The following RPL37A variants were observed in gnomAD, a reference collection of about 807,000 sequenced individuals.
The protein encoded by RPL37A is large ribosomal subunit protein eL43.
In RPL37A, 5 loss-of-function variants were observed where a neutral mutation model predicts 13.6. The observed-to-expected ratio is 0.37, with a 90% CI of 0.19 to 0.78. The LOEUF (loss-of-function observed/expected upper bound fraction) is 0.78, where lower values mean the gene tolerates loss of function less well. Ranked by LOEUF, RPL37A falls within the 30% of genes least tolerant of loss-of-function variation. The pLI is 0.49. For synonymous variants in RPL37A, 50 were observed against 44.4 expected (o/e 1.13, Z -0.50); for missense variants, 77 against 120.0 (o/e 0.64, Z 1.67).
At position 216,502,681 on chromosome 2, in the gene RPL37A, TTATC is replaced by T. The variant is rs1398256894; in HGVS notation, c.*1282_*1285del. On this transcript the variant is annotated 3_prime_UTR_variant, in exon 4 of 4. Coordinates refer to ENST00000491306, the MANE Select transcript of RPL37A (RefSeq NM_000998.5). ...TCAGTCCTCCTAATTGGTATGTCTT[TTATC>T]TATCCCAGAGTCAGTAGTCCTTTAA... The T allele has an allele frequency of 2.6e-5, 4 of 152,364 alleles. No individual in the cohort carries two copies. The highest frequency in any genetic ancestry group is 5.9e-5 in the Non-Finnish European group (4 of 68,038). 9.4% of individuals were successfully genotyped at this position (152,364 alleles called of 1,614,324 possible). A position where few individuals can be genotyped will look rare whatever the true frequency, so the allele number is the denominator to read the frequency against.
chr2:216,499,927 GA>G, intron 2 of RPL37A, 21 bp from the exon 3 acceptor site: 1 of 1,600,266 alleles, frequency 6.2e-7, no homozygotes, highest in Non-Finnish European at 8.6e-7. Context: ...GGTTCATAGT[GA>G]AAATTGGTTC....
chr2:216,501,123 G>A (rs909978821), intron 3 of RPL37A: 3 of 427,872 alleles, frequency 7.0e-6, no homozygotes, highest in East Asian at 4.1e-5. Context: ...ATGCCATCAT[G>A]TAGTTTAGAA....
At position 216,502,727 on chromosome 2, in the gene RPL37A, C is replaced by G. The variant is rs915792452; in HGVS notation, c.*1323C>G. On this transcript the variant is annotated 3_prime_UTR_variant, in exon 4 of 4. Coordinates refer to ENST00000491306, the MANE Select transcript of RPL37A (RefSeq NM_000998.5). ...GTCCTTTAAGGATGCAAATTTAATT[C>G]GATAAGAATGTGGATTTACTTCATC... 1 of 152,166 alleles carries G rather than the reference C, an allele frequency of 6.6e-6. No homozygotes were observed. The highest frequency in any genetic ancestry group is 2.4e-5 in the African/African-American group (1 of 41,434). 9.4% of individuals were successfully genotyped at this position (152,166 alleles called of 1,614,324 possible). A position where few individuals can be genotyped will look rare whatever the true frequency, so the allele number is the denominator to read the frequency against.
Position 216,499,251 on chromosome 2 carries a change from C to T in RPL37A, c.4-19C>T. 6.2e-7 allele frequency: 1 copy of T among 1,608,052 alleles called. No homozygotes were observed. Among genetic ancestry groups the T allele is most frequent in the Non-Finnish European group, 8.5e-7 (1 of 1,177,704 alleles). On this transcript the variant is annotated intron_variant, in intron 1 of 3. Transcript: ENST00000491306. ...TGGGTTCCAGGTCTATCACTGGTTTCTCCCTTCACTCTAAACAGGCCAAAC... is the reference window on the plus strand; with the variant it reads ...TGGGTTCCAGGTCTATCACTGGTTTTTCCCTTCACTCTAAACAGGCCAAAC...
chr2:216,501,149 GGAGTAA>G, intron 3 of RPL37A, 186 bp from the exon 4 acceptor site: 2 of 492,430 alleles, frequency 4.1e-6, no homozygotes, highest in Non-Finnish European at 3.6e-6. Flanking sequence ...TAATTTCCGA[GGAGTAA>G]TCTAATGTTG....
chr2:216,502,422 A>C lies in RPL37A; in HGVS notation c.*1018A>C, dbSNP rs1695615550. On this transcript the variant is annotated 3_prime_UTR_variant, in exon 4 of 4. Transcript: ENST00000491306. ...GACCTACACCATCAGCATCTTCAGG[A>C]AACAGTATGAAACTAATTTCACATT... 1 of 152,258 alleles carries C rather than the reference A, an allele frequency of 6.6e-6. No homozygotes were observed. The highest frequency in any genetic ancestry group is 6.5e-5 in the Admixed American group (1 of 15,288). The allele number at this position is 152,258 out of a possible 1,614,324, so 9.4% of individuals were successfully genotyped here. A position where few individuals can be genotyped will look rare whatever the true frequency, so the allele number is the denominator to read the frequency against.
In RPL37A at chr2:216,501,346, C is replaced by T. The variant is rs759995398; in HGVS notation, c.221C>T (p.Thr74Ile). 2 of 1,612,788 alleles carry T rather than the reference C, an allele frequency of 1.2e-6. No homozygotes were observed. Among genetic ancestry groups the T allele is most frequent in the Admixed American group, 3.3e-5 (2 of 60,000 alleles). Residue 74 changes from threonine (T) to isoleucine (I), a missense_variant, in exon 4 of 4, where the codon ACT becomes ATT. By Grantham distance (89) the Thr-to-Ile change is moderately conservative. Around this residue, in one of 3 missense-constraint regions of RPL37A, gnomAD observed 59 missense variants for 65.5 expected, o/e 0.90. Transcript: ENST00000491306. The part of the protein sequence containing the change: ...VAGGAWTYNT[T>I]SAVTVKSAIR... ...AACTGAATCTTTCTTTCCAGTACCA[C>T]TTCCGCTGTCACGGTAAAGTCCGCC... is the stretch of plus-strand genomic sequence containing the variant.
chr2:216,499,521 T>C, intron 2 of RPL37A, 123 bp downstream of exon 2: 1 of 1,149,628 alleles, frequency 8.7e-7, no homozygotes, highest in South Asian at 1.6e-5. Context: ...CTCATACCGT[T>C]GATTATGAGT....
chr2:216,499,468 C>T (rs1235457618), intron 2 of RPL37A, 70 bp downstream of exon 2: 4 of 1,567,274 alleles, frequency 2.6e-6, no homozygotes, highest in Non-Finnish European at 3.5e-6. Context: ...GGCCTGACTT[C>T]AAGGTATTTT....
rs960650308 is a variant in RPL37A at position 216,503,160 on chromosome 2, TTGAA to T, written c.*1760_*1763del. The T allele has an allele frequency of 1.3e-5, 2 of 152,072 alleles. No individual in the cohort carries two copies. Among genetic ancestry groups the T allele is most frequent in the Non-Finnish European group, 2.9e-5 (2 of 68,026 alleles). 9.4% of individuals were successfully genotyped at this position (152,072 alleles called of 1,614,324 possible). On this transcript the variant is annotated 3_prime_UTR_variant, in exon 4 of 4. Coordinates refer to ENST00000491306, the MANE Select transcript of RPL37A (RefSeq NM_000998.5). ...CAGGATTTCATGTAAGCATAGGGAATTGAATGAGCATTAGATGGTCTAATGCTGC... is the reference window on the plus strand; with the variant it reads ...CAGGATTTCATGTAAGCATAGGGAATTGAGCATTAGATGGTCTAATGCTGC...
rs186204060 is a variant in RPL37A, at chr2:216,501,407, G to C, written c.*3G>C. 14 of 1,605,370 alleles carry C rather than the reference G, an allele frequency of 8.7e-6. No individual in the cohort carries two copies. In the Admixed American group the frequency reaches 1.5e-4, roughly 17 times the overall value. ...TGAAGGAGTTGAAAGACCAGTAGAC[G>C]CTCCTCTACTCTTTGAGACATCACT... On this transcript the variant is annotated 3_prime_UTR_variant, in exon 4 of 4. Transcript: ENST00000491306.
Position 216,502,391 on chromosome 2 carries a change from T to A in RPL37A, c.*987T>A, listed in dbSNP as rs549288238. ...CATATACTGCCTCTTCTATGATGTT[T>A]CATTTGACCTACACCATCAGCATCT... is the stretch of plus-strand genomic sequence containing the variant. On this transcript the variant is annotated 3_prime_UTR_variant, in exon 4 of 4. Coordinates refer to ENST00000491306, the MANE Select transcript of RPL37A (RefSeq NM_000998.5). 6.6e-6 allele frequency: 1 copy of A among 152,296 alleles called. No individual in the cohort carries two copies. Among genetic ancestry groups the A allele is most frequent in the African/African-American group, 2.4e-5 (1 of 41,562 alleles). The allele number at this position is 152,296 out of a possible 1,614,324, so 9.4% of individuals were successfully genotyped here. A position where few individuals can be genotyped will look rare whatever the true frequency, so the allele number is the denominator to read the frequency against.
rs562197301 is a variant in RPL37A at position 216,501,145 on chromosome 2, C to G, written c.216-196C>G. The G allele has an allele frequency of 8.3e-6, 4 of 481,240 alleles. No homozygotes were observed. The East Asian group carries it at 1.4e-4, about 17-fold the overall frequency. The allele number at this position is 481,240 out of a possible 1,614,324, so 29.8% of individuals were successfully genotyped here. ...CATGTAGTTTAGAAGCCACTAATTT[C>G]CGAGGAGTAATCTAATGTTGGTTAG... On this transcript the variant is annotated intron_variant, in intron 3 of 3. Transcript: ENST00000491306.
At chr2:216,499,028 A>C in intron 1 of RPL37A, 151 bp downstream of exon 1, 1 of 1,301,074 alleles carries the variant, frequency 7.7e-7, no homozygotes, top group East Asian at 2.5e-5. Flanking sequence ...AAGCTCCCCA[A>C]GGCGGAGGGG....
Position 216,501,417 on chromosome 2 carries a change from T to C in RPL37A, c.*13T>C. Reference sequence around the variant, plus strand: ...GAAAGACCAGTAGACGCTCCTCTACTCTTTGAGACATCACTGGCCTATAAT... The same window carrying C: ...GAAAGACCAGTAGACGCTCCTCTACCCTTTGAGACATCACTGGCCTATAAT... On this transcript the variant is annotated 3_prime_UTR_variant, in exon 4 of 4. Coordinates refer to ENST00000491306, the MANE Select transcript of RPL37A (RefSeq NM_000998.5). 2 of 1,595,360 alleles carry C rather than the reference T, an allele frequency of 1.3e-6. No homozygotes were observed. Among genetic ancestry groups the C allele is most frequent in the Non-Finnish European group, 1.7e-6 (2 of 1,165,318 alleles).
intron 2 of RPL37A, chr2:216,499,736 C>T: frequency 1.4e-6 from 1 of 698,216 alleles, no homozygotes; most frequent in South Asian, 1.5e-5. Context: ...CATCTAATAC[C>T]ATTCTACTTG....
Position 216,502,799 on chromosome 2 carries a change from C to T in RPL37A, c.*1395C>T, listed in dbSNP as rs924730777. 3 of 152,200 alleles carry T rather than the reference C, an allele frequency of 2.0e-5. No individual in the cohort carries two copies. Among genetic ancestry groups the T allele is most frequent in the Non-Finnish European group, 4.4e-5 (3 of 68,046 alleles). 9.4% of individuals were successfully genotyped at this position (152,200 alleles called of 1,614,324 possible). ...TTATTTCACTTGGTCTGACCCCTAT[C>T]TTCTATAACTTGTTTTTTTGCTCAT... On this transcript the variant is annotated 3_prime_UTR_variant, in exon 4 of 4. Coordinates refer to ENST00000491306, the MANE Select transcript of RPL37A (RefSeq NM_000998.5).
In RPL37A at chr2:216,501,561, A is replaced by G. The variant is rs1484122012; in HGVS notation, c.*157A>G. The G allele has an allele frequency of 5.7e-6, 3 of 528,640 alleles. No homozygotes were observed. Among genetic ancestry groups the G allele is most frequent in the Non-Finnish European group, 1.0e-5 (3 of 298,642 alleles). The allele number at this position is 528,640 out of a possible 1,614,324, so 32.7% of individuals were successfully genotyped here. On this transcript the variant is annotated 3_prime_UTR_variant, in exon 4 of 4. Transcript: ENST00000491306. Reference sequence around the variant, plus strand: ...AAGCATGCCAAGATGGATTATTGTAATTCAGTGTCTTTTTTAGTAGTCAAA... The same window carrying G: ...AAGCATGCCAAGATGGATTATTGTAGTTCAGTGTCTTTTTTAGTAGTCAAA...
chr2:216,502,298 T>A lies in RPL37A; in HGVS notation c.*894T>A, dbSNP rs938673385. 6.6e-6 allele frequency: 1 copy of A among 151,936 alleles called. No individual in the cohort carries two copies. Among genetic ancestry groups the A allele is most frequent in the African/African-American group, 2.4e-5 (1 of 41,302 alleles). The allele number at this position is 151,936 out of a possible 1,614,324, so 9.4% of individuals were successfully genotyped here. ...GCCAGGATCGTGCCACTGCACTTTATTTAGCCAGGACAACACTCTGTCTCC... is the reference window on the plus strand; with the variant it reads ...GCCAGGATCGTGCCACTGCACTTTAATTAGCCAGGACAACACTCTGTCTCC... On this transcript the variant is annotated 3_prime_UTR_variant, in exon 4 of 4. Transcript: ENST00000491306.
Sources: gnomAD v4.1 joint callset for allele counts on GRCh38, gnomAD v4.1.1 for gene constraint, gnomAD v4.1.1 regional missense constraint, MANE v1.5 for transcripts, NCBI Gene and HGNC (gene_info 2026-07-23, HGNC 2026-07-21) for gene names.